The following INPP5A variants were observed in gnomAD, a reference collection of about 807,000 sequenced individuals.
The protein encoded by INPP5A is inositol polyphosphate-5-phosphatase A.
A neutral mutation model predicts 65.2 loss-of-function variants in INPP5A; 14 were observed. The observed-to-expected ratio is 0.21, with a 90% CI of 0.14 to 0.34. INPP5A has a LOEUF of 0.34. Among genes scored for constraint, INPP5A ranks in the 10% least tolerant of loss-of-function variants. The probability of loss-of-function intolerance (pLI) is 1.00; values close to 1 mark genes in which losing one functional copy is unlikely to be tolerated. For synonymous variants in INPP5A, 207 were observed against 208.3 expected, an observed-to-expected ratio of 0.99 and a Z score of 0.05; for missense variants, 431 against 545.6, an observed-to-expected ratio of 0.79 and a Z score of 2.09.
At chr10:132,664,550 C>G (rs2072778098) in intron 4 of INPP5A, among the ~76,000 whole-genome samples, 1 of 152,210 alleles carries the variant, frequency 6.6e-6, no homozygotes, top group Non-Finnish European at 1.5e-5. Context: ...CAGACCTCGC[C>G]TGTTGCCCTG....
At position 132,749,552 on chromosome 10, in the gene INPP5A, G is replaced by A. The variant is rs749922227; in HGVS notation, c.768G>A (p.Arg256=). 4 of 1,613,024 alleles carry A rather than the reference G, an allele frequency of 2.5e-6. No homozygotes were observed. The Admixed American group carries it at 6.7e-5, about 27-fold the overall frequency. ...LCTKATMQTV[R]AADTNEVVKL... ...CAAAAGCCACCATGCAGACGGTCCG[G>A]GCCGCCGACACCAATGAAGTGGTGA... Residue 256 remains arginine (R), a synonymous_variant, in exon 10 of 16, where the codon CGG becomes CGA. Coordinates refer to ENST00000368594, the MANE Select transcript of INPP5A (RefSeq NM_005539.5).
intron 1 of INPP5A, among the ~76,000 whole-genome samples, chr10:132,541,421 G>A (rs2070905168): frequency 2.6e-5 from 4 of 152,160 alleles, no homozygotes; most frequent in South Asian, 2.1e-4. Context: ...GCCATGCTGC[G>A]GGCTGCGGGG....
intron 8 of INPP5A, among the ~76,000 whole-genome samples, chr10:132,721,564 G>C (rs1845881346): frequency 1.3e-5 from 2 of 150,612 alleles, no homozygotes; most frequent in Non-Finnish European, 3.0e-5. Flanking sequence ...GTTCTGTCTG[G>C]GCACCTTAGA....
intron 4 of INPP5A, among the ~76,000 whole-genome samples, chr10:132,673,989 C>T (rs980467081): frequency 7.2e-5 from 11 of 152,210 alleles, no homozygotes; most frequent in African/African-American, 2.7e-4. Context: ...TCCATTCCTG[C>T]CATCATGGCC....
At chr10:132,683,495 C>T (rs963280333) in intron 4 of INPP5A, among the ~76,000 whole-genome samples, 1 of 150,630 alleles carries the variant, frequency 6.6e-6, no homozygotes, top group Admixed American at 6.6e-5. Context: ...GTGTGTATTA[C>T]CCTATGTGGA....
chr10:132,607,646 G>A (rs990416129), intron 1 of INPP5A, among the ~76,000 whole-genome samples: 1 of 152,238 alleles, frequency 6.6e-6, no homozygotes, highest in African/African-American at 2.4e-5. Flanking sequence ...CCACCCGTGT[G>A]GGGGCTGCGC....
In INPP5A at chr10:132,678,225, G is replaced by GA. The variant is rs2072994564; in HGVS notation, c.307-12165dup. On this transcript the variant is annotated intron_variant, in intron 4 of 15. Coordinates refer to ENST00000368594, the MANE Select transcript of INPP5A (RefSeq NM_005539.5). This position sits in a 1 kb window ranked among gnomAD's most constrained non-coding sequence, Gnocchi z 4.1. ...ATGCTGCCTGGGGGTGGCACTGGGG[G>GA]AAGTGGGCAGTAGTGAGGACGCCGC... 6.6e-6 allele frequency among the ~76,000 whole-genome samples: 1 copy of GA among 152,214 alleles called. No individual in the cohort carries two copies. Among genetic ancestry groups the GA allele is most frequent in the South Asian group, 2.1e-4 (1 of 4,834 alleles).
intron 9 of INPP5A, among the ~76,000 whole-genome samples, chr10:132,730,691 TA>T (rs1202012219): frequency 3.3e-5 from 5 of 152,206 alleles, no homozygotes; most frequent in Admixed American, 3.3e-4. Flanking sequence ...AAAGGAACAG[TA>T]AGCAGGAACG....
In INPP5A at chr10:132,609,562, G is replaced by A. The variant is rs73399384; in HGVS notation, c.117+1606G>A. Among the ~76,000 whole-genome samples, 594 of 152,330 alleles carry A rather than the reference G, an allele frequency of 3.9e-3. 3 individuals are homozygous for A. Among genetic ancestry groups the A allele is most frequent in the African/African-American group, 0.014 (565 of 41,562 alleles). On this transcript the variant is annotated intron_variant, in intron 2 of 15. Coordinates refer to ENST00000368594, the MANE Select transcript of INPP5A (RefSeq NM_005539.5). The stretch of plus-strand genomic sequence containing the variant: ...TGACCGGCAAGGAGCAGAACCTGCC[G>A]CCTACACAGCTGAAATCAGAATCTG...
At chr10:132,573,192 C>T (rs531785665) in intron 1 of INPP5A, among the ~76,000 whole-genome samples, 30 of 124,260 alleles carry the variant, frequency 2.4e-4, no homozygotes, top group African/African-American at 8.9e-4. Context: ...GGTGTACGTG[C>T]CGTGTGAGGT....
intron 8 of INPP5A, among the ~76,000 whole-genome samples, chr10:132,720,755 G>A (rs1439363093): frequency 2.0e-5 from 3 of 147,872 alleles, no homozygotes; most frequent in South Asian, 4.3e-4. Context: ...GCCTTAGACG[G>A]CTGTCTTGCG....
At chr10:132,761,406 CAA>C (rs1846730708) in intron 11 of INPP5A, among the ~76,000 whole-genome samples, 1 of 152,198 alleles carries the variant, frequency 6.6e-6, no homozygotes, top group South Asian at 2.1e-4. Context: ...TCTGGGTTAA[CAA>C]GACAGACAGA....
At chr10:132,557,124 A>G (rs1349451939) in intron 1 of INPP5A, among the ~76,000 whole-genome samples, 1 of 152,244 alleles carries the variant, frequency 6.6e-6, no homozygotes, top group East Asian at 1.9e-4. Context: ...GTTCCGCCTA[A>G]AGGCCGACGG....
Position 132,659,273 on chromosome 10 carries a change from T to C in INPP5A, c.306+8768T>C, listed in dbSNP as rs1041228872. 6.6e-6 allele frequency among the ~76,000 whole-genome samples: 1 copy of C among 152,202 alleles called. No individual in the cohort carries two copies. Among genetic ancestry groups the C allele is most frequent in the African/African-American group, 2.4e-5 (1 of 41,456 alleles). On this transcript the variant is annotated intron_variant, in intron 4 of 15. Transcript: ENST00000368594. This position sits in a 1 kb window ranked among gnomAD's most constrained non-coding sequence, Gnocchi z 5.5. ...GAGCTGGAGCACTGAGAAAGGCACC[T>C]TGCTGAGAGCAGCCTTGGAAGGGTC...
At chr10:132,573,106 G>A (rs1410304313) in intron 1 of INPP5A, among the ~76,000 whole-genome samples, 3 of 146,164 alleles carry the variant, frequency 2.1e-5, no homozygotes, top group Admixed American at 2.0e-4. Flanking sequence ...TGTTGATGTT[G>A]AGGTGTGTGT....
intron 2 of INPP5A, among the ~76,000 whole-genome samples, chr10:132,642,732 G>A (rs1009216775): frequency 6.6e-6 from 1 of 152,188 alleles, no homozygotes; most frequent in Non-Finnish European, 1.5e-5. Flanking sequence ...TAGTGGGACC[G>A]TTTGTCAATA....
chr10:132,665,925 T>A (rs2072795020), intron 4 of INPP5A, among the ~76,000 whole-genome samples: 2 of 152,090 alleles, frequency 1.3e-5, no homozygotes, highest in Admixed American at 1.3e-4. Flanking sequence ...TGCAATGGCG[T>A]GCACCTGTAG....
At chr10:132,654,834 A>G (rs569828428) in intron 4 of INPP5A, among the ~76,000 whole-genome samples, 7 of 152,212 alleles carry the variant, frequency 4.6e-5, no homozygotes, top group Non-Finnish European at 5.9e-5. Flanking sequence ...CTGGCGCGTG[A>G]GCCTGTGGGG....
chr10:132,728,415 G>T (rs1590962483), intron 9 of INPP5A, among the ~76,000 whole-genome samples: 1 of 152,212 alleles, frequency 6.6e-6, no homozygotes, highest in African/African-American at 2.4e-5. Context: ...TAGAATCCAT[G>T]TCCCCGCGTC....
Sources: gnomAD v4.1 joint callset for allele counts (sites outside exome capture counted in the v4.1 genomes callset) on GRCh38, gnomAD v4.1.1 for gene constraint, Gnocchi (gnomAD v3.1) non-coding constraint, MANE v1.5 for transcripts, NCBI Gene and HGNC (gene_info 2026-07-23, HGNC 2026-07-21) for gene names.